GABRA3: variants seen among roughly 807,000 people sequenced by gnomAD.
GABRA3 encodes gamma-aminobutyric acid type A receptor subunit alpha3.
GABRA3 carries 10 observed loss-of-function variants against 30.1 expected under a neutral mutation model. The observed-to-expected ratio is 0.33, with a 90% CI of 0.20 to 0.56. GABRA3 has a LOEUF of 0.56. Ranked by LOEUF, GABRA3 falls within the 20% of genes least tolerant of loss-of-function variation. The probability of loss-of-function intolerance (pLI) is 0.89; values close to 1 mark genes in which losing one functional copy is unlikely to be tolerated. For missense variants in GABRA3, 233 were observed against 392.0 expected (o/e 0.59, Z 3.42); for synonymous variants, 151 against 146.8 (o/e 1.03, Z -0.21).
chrX:152,443,254 C>A (rs1375859278), intron 1 of GABRA3, among the ~76,000 whole-genome samples: 4 of 111,652 alleles, frequency 3.6e-5, no homozygotes, highest in African/African-American at 9.7e-5. Flanking sequence ...AGTATTCAAT[C>A]TCATTATAAT....
At chrX:152,201,429 C>T (rs1216921597) in intron 7 of GABRA3, among the ~76,000 whole-genome samples, 1 of 112,023 alleles carries the variant, frequency 8.9e-6, no homozygotes, top group Admixed American at 9.5e-5. Context: ...AAACGCAGAA[C>T]AGTTTAGCTA....
chrX:152,422,781 C>G (rs4828590), intron 1 of GABRA3, among the ~76,000 whole-genome samples: 2 of 109,539 alleles, frequency 1.8e-5, no homozygotes, highest in Non-Finnish European at 3.8e-5. Flanking sequence ...TAGGAATGAA[C>G]TTAAGAGATC....
At chrX:152,332,521 A>G (rs1454287294) in intron 3 of GABRA3, among the ~76,000 whole-genome samples, 1 of 112,327 alleles carries the variant, frequency 8.9e-6, no homozygotes, top group Non-Finnish European at 1.9e-5. Context: ...CTGAGCATCT[A>G]TTTGATAGGT....
intron 8 of GABRA3, among the ~76,000 whole-genome samples, chrX:152,190,697 C>T (rs1245853025): frequency 1.8e-5 from 2 of 109,815 alleles, no homozygotes; most frequent in Non-Finnish European, 3.8e-5. Flanking sequence ...GCTTTGTGAA[C>T]GATGAAAACT....
intron 4 of GABRA3, among the ~76,000 whole-genome samples, chrX:152,257,462 C>T (rs978432481): frequency 8.9e-6 from 1 of 112,807 alleles, no homozygotes; most frequent in Non-Finnish European, 1.9e-5. Context: ...GGCTTCCAAT[C>T]GTATGTGGGA....
intron 1 of GABRA3, among the ~76,000 whole-genome samples, chrX:152,420,450 A>G (rs1429957515): frequency 2.7e-5 from 3 of 111,792 alleles, no homozygotes; most frequent in Non-Finnish European, 3.8e-5. Context: ...AAATACCACA[A>G]AAAAATTTAG....
chrX:152,252,412 A>G (rs1226786985), intron 5 of GABRA3, among the ~76,000 whole-genome samples: 1 of 111,565 alleles, frequency 9.0e-6, no homozygotes, highest in Non-Finnish European at 1.9e-5. Flanking sequence ...TGCTGGCTCA[A>G]CCATCTACTA....
chrX:152,222,862 C>CT (rs371117227), intron 6 of GABRA3, among the ~76,000 whole-genome samples: 118 of 101,093 alleles, frequency 1.2e-3, no homozygotes, highest in Middle Eastern at 5.2e-3. Flanking sequence ...TCTAGCATGT[C>CT]TTTTTTTTTT....
intron 9 of GABRA3, among the ~76,000 whole-genome samples, chrX:152,188,797 C>A (rs1224187691): frequency 8.9e-6 from 1 of 111,763 alleles, no homozygotes. Flanking sequence ...TTCTCTTCTC[C>A]ATGATTATTT....
chrX:152,292,263 G>A (rs1939434242), intron 3 of GABRA3, among the ~76,000 whole-genome samples: 1 of 111,596 alleles, frequency 9.0e-6, no homozygotes, highest in Non-Finnish European at 1.9e-5. Flanking sequence ...ATGTGTCGAG[G>A]AATTTATTCA....
intron 5 of GABRA3, among the ~76,000 whole-genome samples, chrX:152,240,269 G>C: frequency 9.7e-6 from 1 of 103,509 alleles, no homozygotes; most frequent in Middle Eastern, 4.7e-3. Context: ...AGTTTGGCTG[G>C]ATATGAAATT....
chrX:152,338,800 T>C (rs1019842129), intron 3 of GABRA3, among the ~76,000 whole-genome samples: 1 of 112,147 alleles, frequency 8.9e-6, no homozygotes, highest in Non-Finnish European at 1.9e-5. Context: ...CCTTTTATCA[T>C]TGTATGTTCT....
intron 2 of GABRA3, among the ~76,000 whole-genome samples, chrX:152,357,554 A>C (rs1940569686): frequency 9.0e-6 from 1 of 110,966 alleles, no homozygotes; most frequent in Non-Finnish European, 1.9e-5. Context: ...CCTTACAAAT[A>C]TTTTCTTCCA....
At chrX:152,363,777 T>A (rs2124494408) in intron 2 of GABRA3, among the ~76,000 whole-genome samples, 1 of 112,183 alleles carries the variant, frequency 8.9e-6, no homozygotes, top group African/African-American at 3.2e-5. Context: ...TATTTATATT[T>A]TATGCATGTT....
intron 7 of GABRA3, among the ~76,000 whole-genome samples, chrX:152,199,457 G>C (rs1288403926): frequency 1.9e-5 from 2 of 103,728 alleles, no homozygotes; most frequent in Admixed American, 1.1e-4. Context: ...GCCACCACCA[G>C]AAACTAGGGA....
intron 4 of GABRA3, among the ~76,000 whole-genome samples, chrX:152,279,323 C>A (rs1344570701): frequency 6.3e-5 from 7 of 111,609 alleles, no homozygotes; most frequent in Admixed American, 9.5e-5. Flanking sequence ...TCAGCTTTCT[C>A]CATATGGCTA....
At chrX:152,242,448 C>T (rs779039590) in intron 5 of GABRA3, among the ~76,000 whole-genome samples, 2 of 111,633 alleles carry the variant, frequency 1.8e-5, no homozygotes, top group Admixed American at 9.5e-5. Context: ...TCTGCACATC[C>T]AAGGAAACAG....
rs750913588 is a variant in GABRA3 at position 152,244,900 on chromosome X, A to C, written c.551+10878T>G. On this transcript the variant is annotated intron_variant, in intron 5 of 9. Transcript: ENST00000370314. The stretch of plus-strand genomic sequence containing the variant: ...ACCTAAATTAACTGCCCCACAGAAA[A>C]ATATCAAATCATTCTTAGACTTTTG... 8.0e-5 allele frequency among the ~76,000 whole-genome samples: 9 copies of C among 112,093 alleles called. No individual in the cohort carries two copies. The South Asian group carries it at 3.0e-3, about 37-fold the overall frequency.
intron 1 of GABRA3, among the ~76,000 whole-genome samples, chrX:152,378,502 G>A (rs193101241): frequency 3.5e-4 from 39 of 111,249 alleles, no homozygotes; most frequent in African/African-American, 1.2e-3. Flanking sequence ...AAAATAGACT[G>A]TATGTCTTCT....
Sources: gnomAD v4.1 joint callset for allele counts (sites outside exome capture counted in the v4.1 genomes callset) on GRCh38, gnomAD v4.1.1 for gene constraint, MANE v1.5 for transcripts, NCBI Gene and HGNC (gene_info 2026-07-23, HGNC 2026-07-21) for gene names.